The following KCNQ1 variants were observed in gnomAD, a reference collection of about 807,000 sequenced individuals.
KCNQ1 encodes the protein potassium voltage-gated channel subfamily KQT member 1.
In KCNQ1, 49 loss-of-function variants were observed where a neutral mutation model predicts 72.4. The observed-to-expected ratio is 0.68, with a 90% CI of 0.54 to 0.86. The LOEUF (loss-of-function observed/expected upper bound fraction) is 0.86. KCNQ1 is among the 40% of genes least tolerant of loss of function. KCNQ1 has a pLI of 0.00. For synonymous variants in KCNQ1, 450 were observed against 412.6 expected, an observed-to-expected ratio of 1.09 and a Z score of -1.10; for missense variants, 790 against 945.1, an observed-to-expected ratio of 0.84 and a Z score of 2.15.
At chr11:2,761,306 GGTGT>G (rs1564884247) in intron 11 of KCNQ1, among the ~76,000 whole-genome samples, 1 of 151,982 alleles carries the variant, frequency 6.6e-6, no homozygotes, top group Non-Finnish European at 1.5e-5. Context: ...CTCCTACGCT[GGTGT>G]GTTCCTCTCG....
chr11:2,627,371 T>C lies in KCNQ1; in HGVS notation c.1394-34590T>C. The C allele has an allele frequency of 2.5e-6, 1 of 398,520 alleles. No homozygotes were observed. 24.7% of individuals were successfully genotyped at this position (398,520 alleles called of 1,614,324 possible). A position where few individuals can be genotyped will look rare whatever the true frequency, so the allele number is the denominator to read the frequency against. The stretch of plus-strand genomic sequence containing the variant: ...AGCAAATTCCAAGTATAGAATATAT[T>C]AACTATAGTCACCAATCTGGACGTT... On this transcript the variant is annotated intron_variant, in intron 10 of 15. Coordinates refer to ENST00000155840, the MANE Select transcript of KCNQ1 (RefSeq NM_000218.3). This position sits in a 1 kb window ranked among gnomAD's most constrained non-coding sequence, Gnocchi z 4.9.
rs774796350 is a variant in KCNQ1 at position 2,781,250 on chromosome 11, G to A, written c.1794+3213G>A. 3.9e-5 allele frequency among the ~76,000 whole-genome samples: 6 copies of A among 152,280 alleles called. No individual in the cohort carries two copies. The highest frequency in any genetic ancestry group is 1.9e-4 in the East Asian group (1 of 5,178). On this transcript the variant is annotated intron_variant, in intron 15 of 15. Transcript: ENST00000155840. The surrounding 1 kb of genome is among the most constrained non-coding windows in gnomAD (Gnocchi z 6.6). ...ATCCTCTTTTACAGATGGGGAAACCGAGGCTCAGAGAGGCTGAGTGGTCGC... is the reference window on the plus strand; with the variant it reads ...ATCCTCTTTTACAGATGGGGAAACCAAGGCTCAGAGAGGCTGAGTGGTCGC...
rs770543357 is a variant in KCNQ1 at position 2,767,591 on chromosome 11, C to T, written c.1515-1253C>T. On this transcript the variant is annotated intron_variant, in intron 11 of 15. Coordinates refer to ENST00000155840, the MANE Select transcript of KCNQ1 (RefSeq NM_000218.3). This position sits in a 1 kb window ranked among gnomAD's most constrained non-coding sequence, Gnocchi z 4.6. ...CAGATAATTTTATTTTCTTCTGCCA[C>T]GCGCAAAGCACCTTACTCCAGTAGG... 1.4e-4 allele frequency among the ~76,000 whole-genome samples: 21 copies of T among 152,164 alleles called. No individual in the cohort carries two copies. The highest frequency in any genetic ancestry group is 2.1e-4 in the Non-Finnish European group (14 of 68,034).
intron 10 of KCNQ1, chr11:2,634,424 C>T (rs1249563272): frequency 2.4e-4 from 41 of 172,812 alleles, no homozygotes; most frequent in South Asian, 6.3e-4. Context: ...TGAGAACATG[C>T]GGTGTTTGGT....
Position 2,659,938 on chromosome 11 carries a change from A to C in KCNQ1, c.1394-2023A>C. The C allele has an allele frequency of 2.5e-6, 1 of 398,472 alleles. No homozygotes were observed. Among genetic ancestry groups the C allele is most frequent in the Non-Finnish European group, 4.4e-6 (1 of 226,004 alleles). The allele number at this position is 398,472 out of a possible 1,614,324, so 24.7% of individuals were successfully genotyped here. Reference sequence around the variant, plus strand: ...AGCATTCTTTATATATTCTGAGTGCAAGTCCTTGACCTGATAGGTGATATG... The same window carrying C: ...AGCATTCTTTATATATTCTGAGTGCCAGTCCTTGACCTGATAGGTGATATG... On this transcript the variant is annotated intron_variant, in intron 10 of 15. Transcript: ENST00000155840. This position sits in a 1 kb window ranked among gnomAD's most constrained non-coding sequence, Gnocchi z 4.3.
intron 15 of KCNQ1, among the ~76,000 whole-genome samples, chr11:2,837,529 G>C (rs576179770): frequency 2.1e-4 from 32 of 152,382 alleles, no homozygotes; most frequent in Admixed American, 2.1e-3. Flanking sequence ...AGAGGCCATT[G>C]AACTGTTGTT....
rs1848202617 is a variant in KCNQ1 at position 2,563,416 on chromosome 11, C to T, written c.478-7212C>T. Among the ~76,000 whole-genome samples, 1 of 152,218 alleles carries T rather than the reference C, an allele frequency of 6.6e-6. No homozygotes were observed. The highest frequency in any genetic ancestry group is 2.1e-4 in the South Asian group (1 of 4,828). ...TGGCCCTCCGGCTTCGGGCAGGTCT[C>T]CTCTTTATGCCACTGTAACCCCACA... On this transcript the variant is annotated intron_variant, in intron 2 of 15. Coordinates refer to ENST00000155840, the MANE Select transcript of KCNQ1 (RefSeq NM_000218.3). This position sits in a 1 kb window ranked among gnomAD's most constrained non-coding sequence, Gnocchi z 7.4.
rs1305804351 is a variant in KCNQ1 at position 2,723,397 on chromosome 11, G to A, written c.1515-45447G>A. 1.3e-5 allele frequency among the ~76,000 whole-genome samples: 2 copies of A among 152,222 alleles called. No individual in the cohort carries two copies. The highest frequency in any genetic ancestry group is 4.8e-5 in the African/African-American group (2 of 41,460). On this transcript the variant is annotated intron_variant, in intron 11 of 15. Coordinates refer to ENST00000155840, the MANE Select transcript of KCNQ1 (RefSeq NM_000218.3). This position sits in a 1 kb window ranked among gnomAD's most constrained non-coding sequence, Gnocchi z 4.2. Reference sequence around the variant, plus strand: ...CCTTGGTGTCCCCATCTGTAAAGTGGGATGTGACAATACCCTTCTTGCTGA... The same window carrying A: ...CCTTGGTGTCCCCATCTGTAAAGTGAGATGTGACAATACCCTTCTTGCTGA...
Position 2,724,887 on chromosome 11 carries a change from C to T in KCNQ1, c.1515-43957C>T, listed in dbSNP as rs188999660. Reference sequence around the variant, plus strand: ...CGTTCTCAACTGTGAAATGGGAACACGGTGGTCTCTGTCACAGGGTAGAGA... The same window carrying T: ...CGTTCTCAACTGTGAAATGGGAACATGGTGGTCTCTGTCACAGGGTAGAGA... On this transcript the variant is annotated intron_variant, in intron 11 of 15. Transcript: ENST00000155840. The surrounding 1 kb of genome is among the most constrained non-coding windows in gnomAD (Gnocchi z 6.8). Among the ~76,000 whole-genome samples the T allele has an allele frequency of 8.5e-5, 13 of 152,300 alleles. No homozygotes were observed. The highest frequency in any genetic ancestry group is 5.2e-4 in the Admixed American group (8 of 15,298).
At chr11:2,838,992 C>T (rs1421895887) in intron 15 of KCNQ1, among the ~76,000 whole-genome samples, 1 of 149,184 alleles carries the variant, frequency 6.7e-6, no homozygotes, top group Non-Finnish European at 1.5e-5. Context: ...TGGGACGAGC[C>T]CTGCCCGGGG....
chr11:2,561,115 T>C (rs1848158778), intron 2 of KCNQ1, among the ~76,000 whole-genome samples: 1 of 145,740 alleles, frequency 6.9e-6, no homozygotes, highest in East Asian at 2.0e-4. Flanking sequence ...GGCAGTAGAA[T>C]GGTGTGAACC....
rs968216656 is a variant in KCNQ1, at chr11:2,674,846, A to G, written c.1514+12765A>G. 1 of 396,720 alleles carries G rather than the reference A, an allele frequency of 2.5e-6. No individual in the cohort carries two copies. Among genetic ancestry groups the G allele is most frequent in the Non-Finnish European group, 4.4e-6 (1 of 225,546 alleles). 24.6% of individuals were successfully genotyped at this position (396,720 alleles called of 1,614,324 possible). A position where few individuals can be genotyped will look rare whatever the true frequency, so the allele number is the denominator to read the frequency against. ...TAGCTGTTTTTTAAAAAAAAAAAAA[A>G]AAAAAAAAAAAAAAGCTCACTGGGC... is the stretch of plus-strand genomic sequence containing the variant. On this transcript the variant is annotated intron_variant, in intron 11 of 15. Transcript: ENST00000155840. This position sits in a 1 kb window ranked among gnomAD's most constrained non-coding sequence, Gnocchi z 5.9.
intron 1 of KCNQ1, among the ~76,000 whole-genome samples, chr11:2,510,182 G>C (rs1847175500): frequency 6.6e-6 from 1 of 152,096 alleles, no homozygotes; most frequent in South Asian, 2.1e-4. Context: ...GGGAGGCTGA[G>C]GTAGGAGCAT....
At chr11:2,731,922 CAG>C (rs1330708676) in intron 11 of KCNQ1, among the ~76,000 whole-genome samples, 1 of 152,244 alleles carries the variant, frequency 6.6e-6, no homozygotes, top group Non-Finnish European at 1.5e-5. Context: ...AGCCATCTCA[CAG>C]AGCTGTCTCC....
chr11:2,666,076 A>G, intron 11 of KCNQ1: 1 of 398,622 alleles, frequency 2.5e-6, no homozygotes, highest in Non-Finnish European at 4.4e-6. Flanking sequence ...TAAGCCCTGC[A>G]GCCTATGGCT....
intron 10 of KCNQ1, among the ~76,000 whole-genome samples, chr11:2,589,809 G>A (rs35421868): frequency 0.15 from 22,894 of 152,206 alleles, 2,051 homozygotes; most frequent in South Asian, 0.25. Context: ...CTCCAGGGCA[G>A]ACCTGGCCTC....
Position 2,725,349 on chromosome 11 carries a change from C to T in KCNQ1, c.1515-43495C>T, listed in dbSNP as rs1307901454. 6.6e-6 allele frequency among the ~76,000 whole-genome samples: 1 copy of T among 152,204 alleles called. No individual in the cohort carries two copies. Among genetic ancestry groups the T allele is most frequent in the Non-Finnish European group, 1.5e-5 (1 of 68,044 alleles). ...CCAGCTTTTTTGAGTTCGTGAGTGG[C>T]TGGTGGATACTTAGTGGTTTGGCTT... On this transcript the variant is annotated intron_variant, in intron 11 of 15. Coordinates refer to ENST00000155840, the MANE Select transcript of KCNQ1 (RefSeq NM_000218.3). The surrounding 1 kb of genome is among the most constrained non-coding windows in gnomAD (Gnocchi z 7.2).
Position 2,464,478 on chromosome 11 carries a change from A to G in KCNQ1, c.386+18994A>G, listed in dbSNP as rs1474840524. On this transcript the variant is annotated intron_variant, in intron 1 of 15. Coordinates refer to ENST00000155840, the MANE Select transcript of KCNQ1 (RefSeq NM_000218.3). This position sits in a 1 kb window ranked among gnomAD's most constrained non-coding sequence, Gnocchi z 5.0. ...TGAATTGAGTGTGATTTGACCTAGGAGAGTGCCGGGGTGGGGGCAGGTGCA... is the reference window on the plus strand; with the variant it reads ...TGAATTGAGTGTGATTTGACCTAGGGGAGTGCCGGGGTGGGGGCAGGTGCA... 6.6e-6 allele frequency among the ~76,000 whole-genome samples: 1 copy of G among 152,084 alleles called. No individual in the cohort carries two copies. Among genetic ancestry groups the G allele is most frequent in the African/African-American group, 2.4e-5 (1 of 41,402 alleles).
intron 10 of KCNQ1, chr11:2,637,180 C>T (rs1333295063): frequency 6.6e-6 from 1 of 151,706 alleles, no homozygotes; most frequent in Non-Finnish European, 1.5e-5. Context: ...TCTCTATCTC[C>T]TTCAATTCTT....
Sources: allele counts gnomAD v4.1 joint callset (sites outside exome capture counted in the v4.1 genomes callset), GRCh38; gene constraint gnomAD v4.1.1; non-coding constraint Gnocchi (gnomAD v3.1); transcripts MANE v1.5; gene names NCBI Gene and HGNC (gene_info 2026-07-23, HGNC 2026-07-21).